RIMS2: variants seen among roughly 807,000 people sequenced by gnomAD.
RIMS2 encodes the protein regulating synaptic membrane exocytosis protein 2.
Under a neutral mutation model 174.4 loss-of-function variants are expected in RIMS2, and 59 were observed. That is an observed-to-expected ratio of 0.34 (90% confidence interval 0.27 to 0.42). The LOEUF (loss-of-function observed/expected upper bound fraction) is 0.42, where lower values mean the gene tolerates loss of function less well. Among genes scored for constraint, RIMS2 ranks in the 10% least tolerant of loss-of-function variants. RIMS2 has a pLI of 1.00. For missense variants in RIMS2, 1,620 were observed against 1,666.3 expected, an observed-to-expected ratio of 0.97 and a Z score of 0.48; for synonymous variants, 606 against 572.5, an observed-to-expected ratio of 1.06 and a Z score of -0.84.
chr8:103,913,138 A>AC (rs2076026875), intron 6 of RIMS2, among the ~76,000 whole-genome samples: 2 of 131,374 alleles, frequency 1.5e-5, no homozygotes, highest in Non-Finnish European at 3.2e-5. Flanking sequence ...ATACCCAGCT[A>AC]TTTTTTTTTT....
intron 15 of RIMS2, among the ~76,000 whole-genome samples, chr8:103,964,498 T>A (rs2154546193): frequency 6.6e-6 from 1 of 152,192 alleles, no homozygotes; most frequent in Non-Finnish European, 1.5e-5. Flanking sequence ...TGGCCCATTA[T>A]TTTTTAATTG....
intron 19 of RIMS2, among the ~76,000 whole-genome samples, chr8:104,230,564 T>G (rs2099221239): frequency 6.6e-6 from 1 of 152,096 alleles, no homozygotes; most frequent in South Asian, 2.1e-4. Context: ...GAGAATCGCT[T>G]GAACCCTGGA....
chr8:103,940,093 T>A (rs2082184661), intron 13 of RIMS2, among the ~76,000 whole-genome samples: 1 of 152,190 alleles, frequency 6.6e-6, no homozygotes, highest in Non-Finnish European at 1.5e-5. Flanking sequence ...CATTTTCAGG[T>A]ATTTTTTTTA....
In RIMS2 at chr8:103,589,789, C is replaced by T. The variant is rs149974746; in HGVS notation, c.176+88727C>T. On this transcript the variant is annotated intron_variant, in intron 1 of 23. Transcript: ENST00000504942. The stretch of plus-strand genomic sequence containing the variant: ...ATTTACTCATTTGCAATAACATGGA[C>T]GGAACTGGAGATCATTATGTTAAGT... Among the ~76,000 whole-genome samples the T allele has an allele frequency of 4.0e-5, 6 of 151,438 alleles. No homozygotes were observed. The East Asian group carries it at 1.2e-3, about 29-fold the overall frequency.
chr8:103,732,853 A>G (rs1049895791), intron 2 of RIMS2, among the ~76,000 whole-genome samples: 1 of 151,906 alleles, frequency 6.6e-6, no homozygotes, highest in Non-Finnish European at 1.5e-5. Context: ...TTCCCTTTTG[A>G]CTCAGGGGAG....
chr8:103,788,662 T>C (rs2098466901), intron 3 of RIMS2, among the ~76,000 whole-genome samples: 1 of 152,070 alleles, frequency 6.6e-6, no homozygotes, highest in African/African-American at 2.4e-5. Flanking sequence ...GGAGAACCAC[T>C]GCTCTCTTCA....
intron 19 of RIMS2, among the ~76,000 whole-genome samples, chr8:104,016,760 G>A (rs978180986): frequency 1.3e-5 from 2 of 152,024 alleles, no homozygotes; most frequent in African/African-American, 2.4e-5. Context: ...GTTGTTCATA[G>A]CAATAGTCTA....
At chr8:104,242,921 A>C (rs918351108) in intron 19 of RIMS2, among the ~76,000 whole-genome samples, 31 of 152,296 alleles carry the variant, frequency 2.0e-4, no homozygotes, top group African/African-American at 6.7e-4. Flanking sequence ...TAATTTATGG[A>C]ACAATTATTT....
intron 1 of RIMS2, 91 bp downstream of exon 1, chr8:103,501,153 G>T: frequency 9.7e-7 from 1 of 1,034,106 alleles, no homozygotes; most frequent in Non-Finnish European, 1.3e-6. Flanking sequence ...CCAGTTCGCC[G>T]CCCTCCCTCC....
intron 16 of RIMS2, among the ~76,000 whole-genome samples, chr8:103,985,751 A>C (rs1469118637): frequency 1.3e-5 from 2 of 152,196 alleles, no homozygotes; most frequent in African/African-American, 4.8e-5. Flanking sequence ...CAGGTAATAA[A>C]AATGTAAATA....
intron 19 of RIMS2, among the ~76,000 whole-genome samples, chr8:104,110,773 T>C (rs970451428): frequency 3.9e-5 from 6 of 152,158 alleles, no homozygotes; most frequent in African/African-American, 1.4e-4. Flanking sequence ...TCAAATAAAT[T>C]TGGGAACTAC....
intron 19 of RIMS2, among the ~76,000 whole-genome samples, chr8:104,039,981 C>T (rs776943732): frequency 6.6e-6 from 1 of 151,388 alleles, no homozygotes; most frequent in African/African-American, 2.4e-5. Flanking sequence ...TATTAAATTT[C>T]CAAATGTCAT....
intron 3 of RIMS2, among the ~76,000 whole-genome samples, chr8:103,783,446 G>A (rs1389048127): frequency 3.6e-5 from 5 of 138,170 alleles, no homozygotes; most frequent in African/African-American, 1.4e-4. Flanking sequence ...ACAGTCCCCA[G>A]AGTGTGATAT....
chr8:103,998,210 A>G, intron 17 of RIMS2: 1 of 1,609,914 alleles, frequency 6.2e-7, no homozygotes, highest in Non-Finnish European at 8.5e-7. Context: ...ACCTCGCTCC[A>G]GATACAGTCA....
At chr8:103,975,167 C>T (rs1328323519) in intron 15 of RIMS2, among the ~76,000 whole-genome samples, 183 bp from the exon 18 acceptor site, 1 of 152,014 alleles carries the variant, frequency 6.6e-6, no homozygotes, top group African/African-American at 2.4e-5. Context: ...TCTGTCATTC[C>T]TTTTTAATTT....
At chr8:103,624,132 G>A (rs1453878628) in intron 1 of RIMS2, among the ~76,000 whole-genome samples, 2 of 152,188 alleles carry the variant, frequency 1.3e-5, no homozygotes, top group Non-Finnish European at 2.9e-5. Flanking sequence ...AACTTGACTG[G>A]CCAAGGGGGG....
intron 1 of RIMS2, among the ~76,000 whole-genome samples, chr8:103,640,092 A>T (rs2096193305): frequency 6.6e-6 from 1 of 151,936 alleles, no homozygotes; most frequent in South Asian, 2.1e-4. Context: ...TTTTTAAAAT[A>T]GACATAGACC....
At chr8:104,024,818 G>C (rs2096210847) in intron 19 of RIMS2, among the ~76,000 whole-genome samples, 1 of 152,144 alleles carries the variant, frequency 6.6e-6, no homozygotes, top group South Asian at 2.1e-4. Flanking sequence ...GAGAAGGTAA[G>C]TTTTGAGAGG....
intron 3 of RIMS2, among the ~76,000 whole-genome samples, chr8:103,799,214 A>G (rs778564723): frequency 2.0e-5 from 3 of 152,212 alleles, no homozygotes; most frequent in East Asian, 3.9e-4. Flanking sequence ...TTTTAGTCCA[A>G]TGAGACTTCT....
Sources: gnomAD v4.1 joint callset for allele counts (sites outside exome capture counted in the v4.1 genomes callset) on GRCh38, gnomAD v4.1.1 for gene constraint, MANE v1.5 for transcripts, NCBI Gene and HGNC (gene_info 2026-07-23, HGNC 2026-07-21) for gene names.